Variants in C12orf42 observed in about 807,000 individuals in gnomAD.
The protein encoded by C12orf42 is uncharacterized protein C12orf42.
In C12orf42, 25 loss-of-function variants were observed where a neutral mutation model predicts 21.6. The observed-to-expected ratio is 1.16, with a 90% CI of 0.84 to 1.62. The LOEUF (loss-of-function observed/expected upper bound fraction) is 1.62. Ranked by LOEUF, C12orf42 falls within the 40% of genes most tolerant of loss-of-function variation. The pLI is 0.00. For synonymous variants in C12orf42, 174 were observed against 175.0 expected, an observed-to-expected ratio of 0.99 and a Z score of 0.05; for missense variants, 483 against 459.3, an observed-to-expected ratio of 1.05 and a Z score of -0.47.
At chr12:103,331,600 G>A (rs2041243619) in intron 4 of C12orf42, among the ~76,000 whole-genome samples, 1 of 152,214 alleles carries the variant, frequency 6.6e-6, no homozygotes, top group Non-Finnish European at 1.5e-5. Context: ...GAACAGAGGA[G>A]GAACATGTGG....
At chr12:103,066,967 G>A in the C12orf42 span, among the ~76,000 whole-genome samples, 10 of 152,148 alleles carry the variant, frequency 6.6e-5, no homozygotes, top group Admixed American at 2.0e-4. Flanking sequence ...ATGGTGGCAG[G>A]GATGGAGGTT....
chr12:103,283,906 A>G (rs2036281675), intron 4 of C12orf42, among the ~76,000 whole-genome samples: 1 of 152,158 alleles, frequency 6.6e-6, no homozygotes, highest in Non-Finnish European at 1.5e-5. Flanking sequence ...AACTTGAACA[A>G]TTTTCCGGGC....
At chr12:103,198,465 C>T in the C12orf42 span, among the ~76,000 whole-genome samples, 1 of 152,210 alleles carries the variant, frequency 6.6e-6, no homozygotes, top group East Asian at 1.9e-4. Flanking sequence ...CCAGGTCCAA[C>T]AGTCACCAAA....
chr12:103,069,671 G>A, the C12orf42 span, among the ~76,000 whole-genome samples: 2 of 152,178 alleles, frequency 1.3e-5, no homozygotes, highest in Non-Finnish European at 2.9e-5. Flanking sequence ...GCCTTCGTAA[G>A]TCAGGGGCTG....
chr12:103,173,165 C>T, the C12orf42 span, among the ~76,000 whole-genome samples: 3 of 152,094 alleles, frequency 2.0e-5, no homozygotes, highest in African/African-American at 7.2e-5. Flanking sequence ...TTACTAAATC[C>T]ATGTTATTTA....
At chr12:103,528,528 C>G in the C12orf42 span, among the ~76,000 whole-genome samples, 5 of 152,146 alleles carry the variant, frequency 3.3e-5, no homozygotes, top group Non-Finnish European at 5.9e-5. Context: ...TGAGGGAGTT[C>G]TAGCTCTGTT....
chr12:103,281,911 AAGAAAAAGAAAG>A (rs2036145185), intron 4 of C12orf42, among the ~76,000 whole-genome samples: 1 of 122,834 alleles, frequency 8.1e-6, no homozygotes, highest in Non-Finnish European at 1.7e-5. Context: ...GAAAAGAAGA[AAGAAAAAGAAAG>A]AAAGAAAGAA....
At chr12:103,505,728 G>A in the C12orf42 span, 5 of 209,708 alleles carry the variant, frequency 2.4e-5, no homozygotes, top group Admixed American at 1.3e-4. Flanking sequence ...CAGGGGTGCA[G>A]GGGATTTTGT....
At chr12:103,077,025 TA>T in the C12orf42 span, among the ~76,000 whole-genome samples, 1 of 152,160 alleles carries the variant, frequency 6.6e-6, no homozygotes, top group Non-Finnish European at 1.5e-5. Context: ...ATTGAAAAAA[TA>T]AAATTGTACC....
chr12:103,222,321 G>A, the C12orf42 span, among the ~76,000 whole-genome samples: 7 of 151,832 alleles, frequency 4.6e-5, no homozygotes, highest in African/African-American at 1.7e-4. Flanking sequence ...GTGGGGGGTT[G>A]CAAGGTGCTC....
chr12:103,393,885 T>C (rs935211095), intron 3 of C12orf42, among the ~76,000 whole-genome samples: 3 of 152,214 alleles, frequency 2.0e-5, no homozygotes, highest in African/African-American at 7.2e-5. Flanking sequence ...CTTTATGCTC[T>C]ATGACTCTAG....
At chr12:103,246,116 T>G (rs1034163469) in intron 10 of C12orf42, among the ~76,000 whole-genome samples, 4 of 152,122 alleles carry the variant, frequency 2.6e-5, no homozygotes, top group Non-Finnish European at 5.9e-5. Flanking sequence ...TATTATGAGT[T>G]ATCACAAAGT....
At chr12:103,516,952 GA>G in the C12orf42 span, among the ~76,000 whole-genome samples, 1 of 152,172 alleles carries the variant, frequency 6.6e-6, no homozygotes. Context: ...ATCCTGGAAA[GA>G]AACCACCTGC....
intron 2 of C12orf42, among the ~76,000 whole-genome samples, chr12:103,427,449 C>T (rs1419200097): frequency 6.6e-6 from 1 of 151,568 alleles, no homozygotes; most frequent in Non-Finnish European, 1.5e-5. Flanking sequence ...TATATATGCA[C>T]CCAGTACAGA....
At chr12:103,504,164 T>G in the C12orf42 span, 1 of 152,640 alleles carries the variant, frequency 6.6e-6, no homozygotes, top group Non-Finnish European at 1.5e-5. Flanking sequence ...CCCGGCAGCA[T>G]GGAGATCAGA....
At position 103,450,122 on chromosome 12, in the gene C12orf42, T is replaced by C. The variant is rs867589497; in HGVS notation, c.78+28227A>G. ...ATATATTAGGTTTAGGTTTTCACCT[T>C]AGATTTAGATTTCTACCTTAATCTA... On this transcript the variant is annotated intron_variant, in intron 2 of 5. Coordinates refer to ENST00000548883, the MANE Select transcript of C12orf42 (RefSeq NM_198521.5). Among the ~76,000 whole-genome samples, 158 of 152,178 alleles carry C rather than the reference T, an allele frequency of 1.0e-3. 1 individual carries two copies. Among genetic ancestry groups the C allele is most frequent in the African/African-American group, 3.4e-3 (143 of 41,520 alleles).
chr12:103,517,048 T>G, the C12orf42 span, among the ~76,000 whole-genome samples: 2 of 152,174 alleles, frequency 1.3e-5, no homozygotes, highest in African/African-American at 4.8e-5. Context: ...ATTAAAACTA[T>G]TCTCTGCACT....
the C12orf42 span, among the ~76,000 whole-genome samples, chr12:103,530,935 G>GAA: frequency 6.6e-6 from 1 of 152,154 alleles, no homozygotes; most frequent in South Asian, 2.1e-4. Flanking sequence ...TGCTGACCAT[G>GAA]AAAAGGAGGG....
intron 2 of C12orf42, among the ~76,000 whole-genome samples, chr12:103,454,957 C>T (rs2137552282): frequency 1.3e-5 from 2 of 152,202 alleles, no homozygotes; most frequent in African/African-American, 4.8e-5. Flanking sequence ...ACTTTCTATT[C>T]CCTAAATGAG....
Sources: allele counts gnomAD v4.1 joint callset (sites outside exome capture counted in the v4.1 genomes callset), GRCh38; gene constraint gnomAD v4.1.1; transcripts MANE v1.5; gene names NCBI Gene and HGNC (gene_info 2026-07-23, HGNC 2026-07-21).